CLVS1: variants seen among roughly 807,000 people sequenced by gnomAD.
The protein encoded by CLVS1 is clavesin 1, also known as clavesin-1.
A neutral mutation model predicts 33.1 loss-of-function variants in CLVS1; 10 were observed. That is an observed-to-expected ratio of 0.30 (90% CI 0.19 to 0.51). The LOEUF (loss-of-function observed/expected upper bound fraction) is 0.51. CLVS1 is among the 20% of genes least tolerant of loss of function. The pLI is 0.97. For synonymous variants in CLVS1, 163 were observed against 166.1 expected (o/e 0.98, Z 0.14); for missense variants, 343 against 433.4 (o/e 0.79, Z 1.85).
At chr8:61,122,567 A>ACACACAC (rs1805893421) in intron 1 of CLVS1, among the ~76,000 whole-genome samples, 1 of 91,838 alleles carries the variant, frequency 1.1e-5, no homozygotes, top group Admixed American at 1.3e-4. Context: ...CTATATTAAG[A>ACACACAC]AAACACACAC....
rs1449737011 is a variant in CLVS1, at chr8:61,107,891, A to C, written c.-242-23879A>C. ...TTTTTATGTTCTCTGGTTATTTATC[A>C]GCTGAAAGTTAATTCATTCAACAAA... On this transcript the variant is annotated intron_variant, in intron 1 of 2. Transcript: ENST00000522621. Among the ~76,000 whole-genome samples the C allele has an allele frequency of 2.0e-5, 3 of 152,346 alleles. No individual in the cohort carries two copies. The South Asian group carries it at 6.2e-4, about 32-fold the overall frequency.
At chr8:61,400,518 C>T (rs1371718106) in intron 3 of CLVS1, among the ~76,000 whole-genome samples, 1 of 152,112 alleles carries the variant, frequency 6.6e-6, no homozygotes, top group Non-Finnish European at 1.5e-5. Flanking sequence ...TTTGAATATG[C>T]TTTATTTCTT....
At chr8:61,204,017 C>A (rs1170156414) in intron 2 of CLVS1, among the ~76,000 whole-genome samples, 1 of 152,210 alleles carries the variant, frequency 6.6e-6, no homozygotes, top group Non-Finnish European at 1.5e-5. Flanking sequence ...GATATTGGCC[C>A]ATTTTTCAGA....
chr8:61,361,155 C>T (rs1163462533), intron 2 of CLVS1, among the ~76,000 whole-genome samples: 1 of 152,138 alleles, frequency 6.6e-6, no homozygotes, highest in Admixed American at 6.6e-5. Context: ...AGGTGCTAAC[C>T]CATTAATGAG....
intron 3 of CLVS1, among the ~76,000 whole-genome samples, chr8:61,428,007 C>T (rs1460383714): frequency 3.3e-5 from 5 of 152,170 alleles, no homozygotes; most frequent in Non-Finnish European, 5.9e-5. Flanking sequence ...AAATCTGCTC[C>T]TAGGAAATAA....
intron 2 of CLVS1, among the ~76,000 whole-genome samples, chr8:61,156,070 T>C (rs1200732240): frequency 6.6e-6 from 1 of 152,002 alleles, no homozygotes; most frequent in Non-Finnish European, 1.5e-5. Context: ...AAAAATTAGC[T>C]GGGCGTGGTG....
chr8:61,480,917 G>T (rs528641853), intron 5 of CLVS1, among the ~76,000 whole-genome samples: 1 of 152,096 alleles, frequency 6.6e-6, no homozygotes. Context: ...AGTGTGATCC[G>T]CACTTCTCAG....
chr8:61,211,105 C>A (rs1273125606), intron 2 of CLVS1, among the ~76,000 whole-genome samples: 1 of 152,100 alleles, frequency 6.6e-6, no homozygotes, highest in Non-Finnish European at 1.5e-5. Flanking sequence ...GAAGTGAAGA[C>A]CAGAACGTGG....
intron 1 of CLVS1, among the ~76,000 whole-genome samples, chr8:61,121,683 T>C (rs1443854162): frequency 6.6e-6 from 1 of 152,184 alleles, no homozygotes. Flanking sequence ...ATGCTGAACA[T>C]TTCAAGTATG....
intron 2 of CLVS1, among the ~76,000 whole-genome samples, chr8:61,331,788 A>AACT (rs1811602441): frequency 8.2e-6 from 1 of 122,108 alleles, no homozygotes; most frequent in Non-Finnish European, 1.8e-5. Flanking sequence ...CATTTCCTCC[A>AACT]GCTTCTTCTT....
At chr8:61,367,929 C>A (rs1813279632) in intron 2 of CLVS1, among the ~76,000 whole-genome samples, 1 of 152,214 alleles carries the variant, frequency 6.6e-6, no homozygotes. Flanking sequence ...TGCCTCCTGA[C>A]TCCTTATTGC....
intron 2 of CLVS1, among the ~76,000 whole-genome samples, chr8:61,144,027 A>G (rs894398177): frequency 8.0e-5 from 12 of 150,716 alleles, no homozygotes; most frequent in African/African-American, 2.9e-4. Context: ...ATTAATATCC[A>G]TTCTCAACTT....
chr8:61,053,786 C>A (rs1158941896), upstream of CLVS1, among the ~76,000 whole-genome samples: 1 of 152,178 alleles, frequency 6.6e-6, no homozygotes, highest in East Asian at 1.9e-4. Context: ...CTGGAGCTGT[C>A]AGGAAATATT....
rs1808452328 is a variant in CLVS1, at chr8:61,232,035, T to TTTG, written c.-151-67640_-151-67639insGTT. Among the ~76,000 whole-genome samples the TTTG allele has an allele frequency of 1.5e-5, 2 of 131,126 alleles. 1 individual carries two copies. The highest frequency in any genetic ancestry group is 4.7e-4 in the East Asian group (2 of 4,264). 86.0% of individuals were successfully genotyped at this position (131,126 alleles called of 152,430 possible). On this transcript the variant is annotated intron_variant, in intron 2 of 2. Coordinates refer to the CLVS1 transcript ENST00000522621. ...GAGGAAAGTTGTGGTTTTTTTTTTT[T>TTTG]TTTTTTTTTTTTTTTGTGAGATGGA...
At chr8:61,205,997 A>T (rs1285651931) in intron 2 of CLVS1, among the ~76,000 whole-genome samples, 1 of 152,178 alleles carries the variant, frequency 6.6e-6, no homozygotes, top group African/African-American at 2.4e-5. Context: ...ATGTCTAGTT[A>T]GCAAAATTTT....
At chr8:61,035,608 GT>G in the CLVS1 span, among the ~76,000 whole-genome samples, 15 of 152,274 alleles carry the variant, frequency 9.9e-5, no homozygotes, top group African/African-American at 3.6e-4. Context: ...GCTCTGTTTA[GT>G]GTAATCTAAA....
chr8:61,132,831 C>T (rs927102508), intron 2 of CLVS1, among the ~76,000 whole-genome samples: 2 of 152,272 alleles, frequency 1.3e-5, no homozygotes, highest in South Asian at 2.1e-4. Flanking sequence ...ACAGGGGTGG[C>T]TTAGGATGCA....
chr8:61,396,283 A>G (rs78945734), intron 3 of CLVS1, among the ~76,000 whole-genome samples: 1,690 of 152,300 alleles, frequency 0.011, 25 homozygotes, highest in African/African-American at 0.037. Context: ...CTTTTAATAT[A>G]CACCATTTCC....
At chr8:61,011,724 GGCGTGA>G in the CLVS1 span, among the ~76,000 whole-genome samples, 18 of 152,268 alleles carry the variant, frequency 1.2e-4, no homozygotes, top group East Asian at 1.9e-3. Context: ...TGGGATTACA[GGCGTGA>G]ACCACCTTGC....
Sources: allele counts gnomAD v4.1 joint callset (sites outside exome capture counted in the v4.1 genomes callset), GRCh38; gene constraint gnomAD v4.1.1; transcripts MANE v1.5; gene names NCBI Gene and HGNC (gene_info 2026-07-23, HGNC 2026-07-21).